The following TNFAIP8L3 variants were observed in gnomAD, a reference collection of about 807,000 sequenced individuals.
TNFAIP8L3 encodes the protein tumor necrosis factor alpha-induced protein 8-like protein 3.
TNFAIP8L3 carries 7 observed loss-of-function variants against 11.8 expected under a neutral mutation model. That is an observed-to-expected ratio of 0.59 (90% CI 0.34 to 1.11). TNFAIP8L3 has a LOEUF of 1.11. Among genes scored for constraint, TNFAIP8L3 ranks in the 50% most tolerant of loss-of-function variants. The pLI is 0.03. For missense variants in TNFAIP8L3, 219 were observed against 258.6 expected (o/e 0.85, Z 1.05); for synonymous variants, 98 against 103.8 (o/e 0.94, Z 0.34).
Position 51,056,677 on chromosome 15 carries a change from A to G in TNFAIP8L3, c.*1204T>C, listed in dbSNP as rs1243444071. 6.6e-6 allele frequency: 1 copy of G among 152,182 alleles called. No individual in the cohort carries two copies. The highest frequency in any genetic ancestry group is 1.5e-5 in the Non-Finnish European group (1 of 68,030). The allele number at this position is 152,182 out of a possible 1,614,324, so 9.4% of individuals were successfully genotyped here. A position where few individuals can be genotyped will look rare whatever the true frequency, so the allele number is the denominator to read the frequency against. On this transcript the variant is annotated 3_prime_UTR_variant, in exon 2 of 2. Coordinates refer to ENST00000637513, the MANE Select transcript of TNFAIP8L3 (RefSeq NM_001311175.2). ...GACTGAAAAGCCAAGAAAGATGGGT[A>G]GGGGTTCATTCTGCCTGATTCTCCC... is the stretch of plus-strand genomic sequence containing the variant.
chr15:51,097,854 T>TTG (rs1555469078), upstream of TNFAIP8L3, among the ~76,000 whole-genome samples: 1 of 151,050 alleles, frequency 6.6e-6, no homozygotes. Context: ...ATATTTCTTG[T>TTG]GGGGGGGGAA....
upstream of TNFAIP8L3, among the ~76,000 whole-genome samples, chr15:51,095,648 GA>G: frequency 6.8e-6 from 1 of 146,068 alleles, no homozygotes. Context: ...CATCCTTTAT[GA>G]AAGGAAAAAA....
intron 1 of TNFAIP8L3, chr15:51,069,360 A>G (rs1374538647): frequency 1.3e-5 from 2 of 152,266 alleles, no homozygotes; most frequent in African/African-American, 2.4e-5. Flanking sequence ...AGGGTGCTGA[A>G]TAAGAACATA....
At chr15:51,075,108 G>T (rs2065340372) in intron 1 of TNFAIP8L3, among the ~76,000 whole-genome samples, 1 of 152,194 alleles carries the variant, frequency 6.6e-6, no homozygotes, top group Admixed American at 6.5e-5. Context: ...TAGCGTGTTT[G>T]TTCTTGTTCT....
upstream of TNFAIP8L3, among the ~76,000 whole-genome samples, chr15:51,096,381 A>G (rs1480350651): frequency 1.3e-5 from 2 of 152,200 alleles, no homozygotes; most frequent in African/African-American, 4.8e-5. Flanking sequence ...TGGATGTGTT[A>G]TCTTGGGCAA....
At chr15:51,083,384 C>T (rs568771247) in intron 1 of TNFAIP8L3, among the ~76,000 whole-genome samples, 14 of 152,212 alleles carry the variant, frequency 9.2e-5, no homozygotes, top group African/African-American at 3.4e-4. Context: ...TTGTATCCCC[C>T]TCTAATTTAA....
At chr15:51,068,295 C>A (rs2065284613) in intron 1 of TNFAIP8L3, among the ~76,000 whole-genome samples, 1 of 152,018 alleles carries the variant, frequency 6.6e-6, no homozygotes, top group Non-Finnish European at 1.5e-5. Flanking sequence ...GGAGGAGGAG[C>A]CAGCCTGTAG....
Position 51,058,394 on chromosome 15 carries a change from C to A in TNFAIP8L3, c.102G>T (p.Lys34Asn), listed in dbSNP as rs1193121104. The A allele has an allele frequency of 1.9e-6, 3 of 1,612,760 alleles. No individual in the cohort carries two copies. In the African/African-American group the frequency reaches 4.0e-5, roughly 22 times the overall value. ...TTTTGCTGGCTATTTTGCTCAGAAT[C>A]TTCTTCTGGGCTTGAAGCGCAAGAC... ...SKSLALQAQK[K>N]ILSKIASKTV... is the part of the protein sequence containing the mutation. The change falls in exon 2 of 2, where the codon AAG becomes AAT. Residue 34 changes from lysine to asparagine, a missense_variant. Physicochemically the swap from Lys to Asn is moderately conservative, Grantham distance 94. Coordinates refer to ENST00000637513, the MANE Select transcript of TNFAIP8L3 (RefSeq NM_001311175.2).
chr15:51,080,282 G>A (rs1247379960), intron 1 of TNFAIP8L3, among the ~76,000 whole-genome samples: 1 of 152,184 alleles, frequency 6.6e-6, no homozygotes, highest in Non-Finnish European at 1.5e-5. Flanking sequence ...TTTCCCAGGA[G>A]TTAAACACTA....
At chr15:51,076,665 A>C (rs889578198) in intron 1 of TNFAIP8L3, among the ~76,000 whole-genome samples, 1 of 152,114 alleles carries the variant, frequency 6.6e-6, no homozygotes, top group Non-Finnish European at 1.5e-5. Context: ...AGGGAAAACG[A>C]GAGAGCCCAG....
At chr15:51,100,892 T>C (rs1326946629) in intron 1 of TNFAIP8L3, among the ~76,000 whole-genome samples, 1 of 152,220 alleles carries the variant, frequency 6.6e-6, no homozygotes, top group Non-Finnish European at 1.5e-5. Flanking sequence ...CTTGTGCCAG[T>C]CCTGGCCTGC....
At chr15:51,060,978 A>G (rs1174358594) in intron 1 of TNFAIP8L3, among the ~76,000 whole-genome samples, 1 of 152,200 alleles carries the variant, frequency 6.6e-6, no homozygotes, top group Admixed American at 6.5e-5. Flanking sequence ...TCTATTAAAA[A>G]TACAAAAATT....
intron 1 of TNFAIP8L3, among the ~76,000 whole-genome samples, chr15:51,066,821 G>A (rs1277338484): frequency 6.6e-6 from 1 of 152,216 alleles, no homozygotes; most frequent in African/African-American, 2.4e-5. Context: ...TTTGAAATGT[G>A]AACCTAATAC....
chr15:51,083,179 T>C (rs2065404404), intron 1 of TNFAIP8L3, among the ~76,000 whole-genome samples: 2 of 152,154 alleles, frequency 1.3e-5, no homozygotes, highest in African/African-American at 4.8e-5. Context: ...GATCTCTTAT[T>C]TTTAGCTTCA....
At chr15:51,090,027 T>C (rs1439682210) in intron 1 of TNFAIP8L3, among the ~76,000 whole-genome samples, 1 of 152,112 alleles carries the variant, frequency 6.6e-6, no homozygotes, top group African/African-American at 2.4e-5. Context: ...CCCTCAAACC[T>C]CACAGTGCCT....
chr15:51,096,007 A>G (rs994153765), upstream of TNFAIP8L3, among the ~76,000 whole-genome samples: 7 of 152,216 alleles, frequency 4.6e-5, no homozygotes, highest in Non-Finnish European at 1.0e-4. Flanking sequence ...GAAGTAGAAT[A>G]TGGTTGAAAG....
chr15:51,066,281 G>A (rs535693369), intron 1 of TNFAIP8L3, among the ~76,000 whole-genome samples: 5 of 151,208 alleles, frequency 3.3e-5, no homozygotes, highest in South Asian at 4.2e-4. Flanking sequence ...TCCTGCCTCC[G>A]CCTCCCGAGT....
At chr15:51,079,096 A>G (rs1250317738) in intron 1 of TNFAIP8L3, among the ~76,000 whole-genome samples, 6 of 152,198 alleles carry the variant, frequency 3.9e-5, no homozygotes, top group African/African-American at 1.4e-4. Flanking sequence ...CTGAACTGAC[A>G]TCTGTCTTCT....
intron 1 of TNFAIP8L3, among the ~76,000 whole-genome samples, chr15:51,102,659 G>A (rs2065562981): frequency 6.6e-6 from 1 of 152,120 alleles, no homozygotes; most frequent in Non-Finnish European, 1.5e-5. Flanking sequence ...GAAGTGGTTT[G>A]CCCAGAGTTA....
Sources: allele counts gnomAD v4.1 joint callset (sites outside exome capture counted in the v4.1 genomes callset), GRCh38; gene constraint gnomAD v4.1.1; transcripts MANE v1.5; gene names NCBI Gene and HGNC (gene_info 2026-07-23, HGNC 2026-07-21).